Variants in TSPAN18 observed in about 807,000 individuals in gnomAD.
TSPAN18 encodes tetraspanin 18.
TSPAN18 carries 14 observed loss-of-function variants against 27.3 expected under a neutral mutation model. The observed-to-expected ratio is 0.51, with a 90% CI of 0.34 to 0.80. TSPAN18 has a LOEUF of 0.80. TSPAN18 is among the 30% of genes least tolerant of loss of function. TSPAN18 has a pLI of 0.01. For missense variants in TSPAN18, 268 were observed against 323.9 expected (o/e 0.83, Z 1.32); for synonymous variants, 143 against 136.5 (o/e 1.05, Z -0.33).
chr11:44,854,616 G>A (rs902368254), intron 2 of TSPAN18, among the ~76,000 whole-genome samples: 3 of 152,156 alleles, frequency 2.0e-5, no homozygotes, highest in African/African-American at 7.2e-5. Context: ...GGAACCACTT[G>A]GGCTGAGGCC....
intron 1 of TSPAN18, among the ~76,000 whole-genome samples, chr11:44,749,645 T>C (rs966840780): frequency 1.3e-5 from 2 of 148,642 alleles, no homozygotes; most frequent in African/African-American, 2.5e-5. Flanking sequence ...TTTTTTTTTT[T>C]TTTTTTTTTG....
chr11:44,835,407 C>T (rs897932830), intron 2 of TSPAN18, among the ~76,000 whole-genome samples: 4 of 152,188 alleles, frequency 2.6e-5, no homozygotes, highest in African/African-American at 9.7e-5. Flanking sequence ...TAATGTCATA[C>T]ATAGTTCTTT....
chr11:44,793,880 G>T (rs1309877611), intron 2 of TSPAN18, among the ~76,000 whole-genome samples: 1 of 152,142 alleles, frequency 6.6e-6, no homozygotes, highest in Non-Finnish European at 1.5e-5. Context: ...GCACTGAAAT[G>T]TTATGACAGT....
chr11:44,856,904 A>G lies in TSPAN18; in HGVS notation c.-152-3424A>G, dbSNP rs147312958. Among the ~76,000 whole-genome samples, 505 of 152,250 alleles carry G rather than the reference A, an allele frequency of 3.3e-3. 4 individuals carry two copies. Among genetic ancestry groups the G allele is most frequent in the African/African-American group, 0.012 (482 of 41,540 alleles). On this transcript the variant is annotated intron_variant, in intron 2 of 9. Coordinates refer to ENST00000520358, the MANE Select transcript of TSPAN18 (RefSeq NM_130783.5). ...ACATTTCTTCTTGATCAGTGACTCAAACAAAACTGTTTTCCTCTCTTCTTC... is the reference window on the plus strand; with the variant it reads ...ACATTTCTTCTTGATCAGTGACTCAGACAAAACTGTTTTCCTCTCTTCTTC...
At chr11:44,910,720 C>T (rs374883837) in intron 5 of TSPAN18, among the ~76,000 whole-genome samples, 2 of 152,352 alleles carry the variant, frequency 1.3e-5, no homozygotes, top group South Asian at 4.1e-4. Context: ...GAACTCCTAT[C>T]ATGCGCATGT....
chr11:44,780,326 C>T (rs1310149107), intron 2 of TSPAN18, among the ~76,000 whole-genome samples: 1 of 152,240 alleles, frequency 6.6e-6, no homozygotes, highest in Non-Finnish European at 1.5e-5. Flanking sequence ...TATCCATTTA[C>T]CTGGATGCCA....
chr11:44,862,251 G>A (rs1015306351), intron 3 of TSPAN18, among the ~76,000 whole-genome samples: 1 of 152,250 alleles, frequency 6.6e-6, no homozygotes, highest in Non-Finnish European at 1.5e-5. Context: ...CGCCGCGGCA[G>A]CTCTGTCCTA....
chr11:44,849,630 G>A (rs2218993), intron 2 of TSPAN18, among the ~76,000 whole-genome samples: 37,593 of 152,086 alleles, frequency 0.25, 6,752 homozygotes, highest in East Asian at 0.68. Flanking sequence ...GTTGCAGCCC[G>A]TGGCACTGCT....
chr11:44,733,998 G>T (rs1045462320), intron 1 of TSPAN18, among the ~76,000 whole-genome samples: 1 of 152,142 alleles, frequency 6.6e-6, no homozygotes, highest in African/African-American at 2.4e-5. Context: ...CTCATGAGTG[G>T]CCTGGTGCCC....
chr11:44,921,959 C>T (rs1860153356), intron 8 of TSPAN18, among the ~76,000 whole-genome samples: 1 of 152,118 alleles, frequency 6.6e-6, no homozygotes, highest in African/African-American at 2.4e-5. Context: ...TTTCCAGTGA[C>T]TCTGTTGTTC....
intron 3 of TSPAN18, among the ~76,000 whole-genome samples, chr11:44,895,045 C>A (rs2135293383): frequency 6.6e-6 from 1 of 152,268 alleles, no homozygotes; most frequent in African/African-American, 2.4e-5. Context: ...ATACCCACCT[C>A]CTAGGTAAGG....
intron 2 of TSPAN18, among the ~76,000 whole-genome samples, chr11:44,795,833 C>T (rs1248434247): frequency 2.0e-5 from 3 of 152,020 alleles, no homozygotes; most frequent in Non-Finnish European, 2.9e-5. Context: ...AGCCCACTGC[C>T]GGCTGGCACC....
intron 1 of TSPAN18, among the ~76,000 whole-genome samples, chr11:44,733,064 C>T (rs1464931366): frequency 1.3e-5 from 2 of 152,116 alleles, no homozygotes; most frequent in Admixed American, 1.3e-4. Flanking sequence ...ACTGCTTTGG[C>T]CAGGAGGTGA....
intron 2 of TSPAN18, among the ~76,000 whole-genome samples, chr11:44,830,426 G>A (rs568734388): frequency 6.6e-6 from 1 of 152,350 alleles, no homozygotes; most frequent in South Asian, 2.1e-4. Flanking sequence ...TTGGCATAAA[G>A]GTGTGGCTTG....
chr11:44,820,537 C>T (rs1485917102), intron 2 of TSPAN18, among the ~76,000 whole-genome samples: 1 of 152,202 alleles, frequency 6.6e-6, no homozygotes, highest in Non-Finnish European at 1.5e-5. Context: ...CCTGTTTTGG[C>T]CACTTGCTGT....
intron 3 of TSPAN18, among the ~76,000 whole-genome samples, chr11:44,882,311 C>T (rs1858510132): frequency 6.6e-6 from 1 of 152,160 alleles, no homozygotes; most frequent in African/African-American, 2.4e-5. Flanking sequence ...CCTACCCGTT[C>T]TTCCTTTTCC....
intron 2 of TSPAN18, among the ~76,000 whole-genome samples, chr11:44,845,043 A>G (rs1857452092): frequency 6.6e-6 from 1 of 152,204 alleles, no homozygotes; most frequent in Non-Finnish European, 1.5e-5. Context: ...TTAGTTTATG[A>G]AGTGCTTCCC....
At chr11:44,752,262 C>T (rs1057199287) in intron 1 of TSPAN18, among the ~76,000 whole-genome samples, 4 of 152,296 alleles carry the variant, frequency 2.6e-5, no homozygotes, top group South Asian at 2.1e-4. Context: ...CTGTTTTAAC[C>T]GATACAAGGA....
chr11:44,772,270 A>G (rs1177679128), intron 2 of TSPAN18, among the ~76,000 whole-genome samples: 1 of 152,216 alleles, frequency 6.6e-6, no homozygotes, highest in East Asian at 1.9e-4. Flanking sequence ...CCTAGAGCAC[A>G]TGATTTTTGT....
Sources: gnomAD v4.1 joint callset for allele counts (sites outside exome capture counted in the v4.1 genomes callset) on GRCh38, gnomAD v4.1.1 for gene constraint, MANE v1.5 for transcripts, NCBI Gene and HGNC (gene_info 2026-07-23, HGNC 2026-07-21) for gene names.